Variants in BTBD10 observed in about 807,000 individuals in gnomAD.
BTBD10 encodes the protein BTB/POZ domain-containing protein 10.
In BTBD10, 21 loss-of-function variants were observed where a neutral mutation model predicts 53.2. The observed-to-expected ratio is 0.39, with a 90% CI of 0.28 to 0.57. The LOEUF (loss-of-function observed/expected upper bound fraction) is 0.57, where lower values mean the gene tolerates loss of function less well. BTBD10 is among the 20% of genes least tolerant of loss of function. BTBD10 has a pLI of 0.53. For missense variants in BTBD10, 360 were observed against 594.7 expected, an observed-to-expected ratio of 0.61 and a Z score of 4.10; for synonymous variants, 149 against 192.7, an observed-to-expected ratio of 0.77 and a Z score of 1.88.
chr11:13,436,860 C>T (rs533610295), intron 2 of BTBD10, among the ~76,000 whole-genome samples: 3 of 152,286 alleles, frequency 2.0e-5, no homozygotes, highest in African/African-American at 7.2e-5. Context: ...CTGCTCACTG[C>T]AACCTCTGCC....
chr11:13,437,059 A>G (rs1447262061), intron 2 of BTBD10, among the ~76,000 whole-genome samples: 1 of 152,248 alleles, frequency 6.6e-6, no homozygotes, highest in Non-Finnish European at 1.5e-5. Context: ...CTGGGATTAC[A>G]GGCGTGAGAC....
chr11:13,449,544 T>A (rs2134043750), intron 1 of BTBD10, among the ~76,000 whole-genome samples: 1 of 152,320 alleles, frequency 6.6e-6, no homozygotes, highest in African/African-American at 2.4e-5. Context: ...ATGTGCCTTT[T>A]AAACCTCAGC....
intron 2 of BTBD10, among the ~76,000 whole-genome samples, chr11:13,423,299 C>T (rs1225385222): frequency 6.6e-6 from 1 of 152,080 alleles, no homozygotes; most frequent in Non-Finnish European, 1.5e-5. Flanking sequence ...TCCTCTAATG[C>T]TTATTGCTTG....
rs566538491 is a variant in BTBD10 at position 13,412,005 on chromosome 11, A to G, written c.808+1525T>C. 3.3e-5 allele frequency among the ~76,000 whole-genome samples: 5 copies of G among 152,088 alleles called. No individual in the cohort carries two copies. The South Asian group carries it at 1.0e-3, about 32-fold the overall frequency. ...CACCACCACGCCTGGCTAATTTTGT[A>G]TTTTTAGTAGAGAAGAGGTTTCTCC... On this transcript the variant is annotated intron_variant, in intron 6 of 8. Coordinates refer to ENST00000278174, the MANE Select transcript of BTBD10 (RefSeq NM_032320.7).
At position 13,417,225 on chromosome 11, in the gene BTBD10, C is replaced by A; in HGVS notation, c.620G>T (p.Arg207Leu). 1.2e-6 allele frequency: 2 copies of A among 1,613,256 alleles called. No individual in the cohort carries two copies. Among genetic ancestry groups the A allele is most frequent in the Non-Finnish European group, 1.7e-6 (2 of 1,179,630 alleles). Residue 207 changes from arginine to leucine, a missense_variant, in exon 5 of 9, where the codon CGA (arginine) becomes CTA (leucine). By Grantham distance (102) the Arg-to-Leu change is moderately radical (BLOSUM62 -2). This residue lies in a region of BTBD10 where 91 missense variants were observed against 171.7 expected (regional missense o/e 0.53). Transcript: ENST00000278174. Reference sequence around the variant, plus strand: ...CTCATACTCTCCTTTCTCATTGGGTCGTGTAAAGTTATGTTCTCGGCCAGA... The same window carrying A: ...CTCATACTCTCCTTTCTCATTGGGTAGTGTAAAGTTATGTTCTCGGCCAGA... Reference protein sequence around the residue: ...FGSGREHNFTRPNEKGEYEVA... With the variant: ...FGSGREHNFTLPNEKGEYEVA...
At chr11:13,418,437 CT>C (rs1386919469) in intron 4 of BTBD10, among the ~76,000 whole-genome samples, 1 of 151,918 alleles carries the variant, frequency 6.6e-6, no homozygotes, top group Non-Finnish European at 1.5e-5. Flanking sequence ...CAAATATCTA[CT>C]TTTTTATTGT....
chr11:13,423,705 G>C (rs1291247883), intron 2 of BTBD10, among the ~76,000 whole-genome samples: 1 of 152,016 alleles, frequency 6.6e-6, no homozygotes, highest in Non-Finnish European at 1.5e-5. Context: ...CATCTCTTTG[G>C]TTGATTTTAT....
At chr11:13,456,799 T>A (rs1486001840) in intron 1 of BTBD10, among the ~76,000 whole-genome samples, 1 of 152,158 alleles carries the variant, frequency 6.6e-6, no homozygotes, top group Non-Finnish European at 1.5e-5. Context: ...CCTCCAATTT[T>A]GGCCATATAC....
At chr11:13,424,405 T>C (rs1043465099) in intron 2 of BTBD10, among the ~76,000 whole-genome samples, 8 of 152,226 alleles carry the variant, frequency 5.3e-5, no homozygotes, top group Non-Finnish European at 7.3e-5. Flanking sequence ...GGTGTCATAA[T>C]ACACTTTCAT....
At chr11:13,412,160 A>C (rs1949968329) in intron 6 of BTBD10, among the ~76,000 whole-genome samples, 1 of 152,020 alleles carries the variant, frequency 6.6e-6, no homozygotes, top group Non-Finnish European at 1.5e-5. Flanking sequence ...GATGTGAAAA[A>C]ACAGCAACTC....
chr11:13,440,019 C>T, intron 2 of BTBD10: 1 of 1,533,738 alleles, frequency 6.5e-7, no homozygotes, highest in African/African-American at 1.4e-5. Flanking sequence ...TACTAGGAAA[C>T]TTTAGCACAT....
At chr11:13,444,884 G>A (rs948158003) in intron 2 of BTBD10, 140 bp downstream of exon 2, 11 of 488,186 alleles carry the variant, frequency 2.3e-5, no homozygotes, top group Admixed American at 7.3e-5. Flanking sequence ...AGTTATCTAT[G>A]GAGACAGATA....
chr11:13,416,331 G>A (rs530714663), intron 5 of BTBD10, among the ~76,000 whole-genome samples: 2 of 151,990 alleles, frequency 1.3e-5, no homozygotes, highest in East Asian at 3.9e-4. Flanking sequence ...TGCAGCCTTG[G>A]CAACACAGTG....
intron 6 of BTBD10, among the ~76,000 whole-genome samples, chr11:13,409,574 C>A (rs1176382742): frequency 1.3e-5 from 2 of 152,020 alleles, no homozygotes; most frequent in Non-Finnish European, 2.9e-5. Flanking sequence ...TTTTTGAGTA[C>A]CCTAAATATG....
At chr11:13,394,412 C>T (rs1408311794) in intron 8 of BTBD10, among the ~76,000 whole-genome samples, 1 of 152,124 alleles carries the variant, frequency 6.6e-6, no homozygotes, top group African/African-American at 2.4e-5. Context: ...TCCTTGCTTC[C>T]TCTTTGCCTT....
chr11:13,440,030 C>T, intron 2 of BTBD10: 2 of 1,533,078 alleles, frequency 1.3e-6, no homozygotes, highest in Non-Finnish European at 1.7e-6. Context: ...TTTAGCACAT[C>T]TGATATTTCC....
At chr11:13,453,329 A>T (rs72857072) in intron 1 of BTBD10, among the ~76,000 whole-genome samples, 2,936 of 152,202 alleles carry the variant, frequency 0.019, 75 homozygotes, top group South Asian at 0.083. Flanking sequence ...ACACACACAC[A>T]CTCATCCATG....
At chr11:13,423,434 C>T (rs1011946300) in intron 2 of BTBD10, among the ~76,000 whole-genome samples, 6 of 152,146 alleles carry the variant, frequency 3.9e-5, no homozygotes, top group African/African-American at 1.4e-4. Context: ...TGACCAGCAA[C>T]GTACCTGGCA....
Position 13,417,663 on chromosome 11 carries a change from A to C in BTBD10, c.585-403T>G, listed in dbSNP as rs562971341. Among the ~76,000 whole-genome samples the C allele has an allele frequency of 2.0e-4, 31 of 152,326 alleles. No individual in the cohort carries two copies. In the East Asian group the frequency reaches 5.2e-3, roughly 26 times the overall value. On this transcript the variant is annotated intron_variant, in intron 4 of 8. Transcript: ENST00000278174. The stretch of plus-strand genomic sequence containing the variant: ...AACTGCTATTTTCATTGTACAGTTA[A>C]TGCCATAATGCAGCACATAATAGCA...
Sources: gnomAD v4.1 joint callset for allele counts (sites outside exome capture counted in the v4.1 genomes callset) on GRCh38, gnomAD v4.1.1 for gene constraint, gnomAD v4.1.1 regional missense constraint, MANE v1.5 for transcripts, NCBI Gene and HGNC (gene_info 2026-07-23, HGNC 2026-07-21) for gene names.